PTPRN2: variants seen among roughly 807,000 people sequenced by gnomAD.
The protein encoded by PTPRN2 is protein tyrosine phosphatase receptor type N2, also known as receptor-type tyrosine-protein phosphatase N2.
Under a neutral mutation model 118.8 loss-of-function variants are expected in PTPRN2, and 74 were observed. The ratio of observed to expected loss-of-function variants is 0.62; its 90% CI spans 0.52 to 0.76. The LOEUF is 0.76. Among genes scored for constraint, PTPRN2 ranks in the 30% least tolerant of loss-of-function variants. The pLI is 0.00. For missense variants in PTPRN2, 1,481 were observed against 1,394.4 expected (o/e 1.06, Z -0.99); for synonymous variants, 641 against 608.0 (o/e 1.05, Z -0.80).
chr7:157,544,924 G>A (rs1474374262), intron 22 of PTPRN2, among the ~76,000 whole-genome samples: 1 of 147,716 alleles, frequency 6.8e-6, no homozygotes, highest in African/African-American at 2.5e-5. Context: ...CAGTGCAGGT[G>A]TGCATGGGTG....
rs556425392 is a variant in PTPRN2, at chr7:158,327,251, A to C, written c.164-10319T>G. ...CATTCTCATATCCACATACATGCAC[A>C]CATTCTCACATGCACACACGTGCTC... On this transcript the variant is annotated intron_variant, in intron 2 of 22. Coordinates refer to ENST00000389418, the MANE Select transcript of PTPRN2 (RefSeq NM_002847.5). 2.1e-3 allele frequency among the ~76,000 whole-genome samples: 319 copies of C among 151,996 alleles called. 5 individuals are homozygous for C. Among genetic ancestry groups the C allele is most frequent in the African/African-American group, 7.5e-3 (309 of 41,398 alleles).
chr7:158,459,268 T>C (rs112033091), intron 2 of PTPRN2, among the ~76,000 whole-genome samples: 72 of 98,436 alleles, frequency 7.3e-4, no homozygotes, highest in Admixed American at 1.4e-3. Flanking sequence ...CTGGGATGAA[T>C]GGGCTCCAGA....
At chr7:158,583,040 A>G (rs1443418332) in intron 1 of PTPRN2, among the ~76,000 whole-genome samples, 1 of 152,164 alleles carries the variant, frequency 6.6e-6, no homozygotes, top group Admixed American at 6.5e-5. Context: ...ACCATGTCTG[A>G]TGACAGCTTA....
At chr7:158,484,661 T>C (rs1820875509) in intron 2 of PTPRN2, among the ~76,000 whole-genome samples, 1 of 152,228 alleles carries the variant, frequency 6.6e-6, no homozygotes, top group African/African-American at 2.4e-5. Flanking sequence ...CGCCCTGGCC[T>C]CCTGGACATT....
rs1053143952 is a variant in PTPRN2 at position 157,780,732 on chromosome 7, C to T, written c.1789-97795G>A. On this transcript the variant is annotated intron_variant, in intron 12 of 22. Transcript: ENST00000389418. The surrounding 1 kb of genome is among the most constrained non-coding windows in gnomAD (Gnocchi z 4.5). The stretch of plus-strand genomic sequence containing the variant: ...ATGCATGATGGGGCCACACCCAGCA[C>T]GGAGAGAGCACTTGACACTGTTGCT... Among the ~76,000 whole-genome samples the T allele has an allele frequency of 2.6e-5, 4 of 152,194 alleles. No homozygotes were observed. Among genetic ancestry groups the T allele is most frequent in the Admixed American group, 6.5e-5 (1 of 15,288 alleles).
At chr7:158,001,703 G>A (rs973176244) in intron 11 of PTPRN2, among the ~76,000 whole-genome samples, 3 of 152,200 alleles carry the variant, frequency 2.0e-5, no homozygotes, top group African/African-American at 7.2e-5. Flanking sequence ...TCCGTGCTGA[G>A]AGCCCGGCAC....
intron 12 of PTPRN2, among the ~76,000 whole-genome samples, chr7:157,693,594 A>C (rs2150841602): frequency 6.6e-6 from 1 of 151,976 alleles, no homozygotes; most frequent in East Asian, 1.9e-4. Context: ...CGGCGCCCCC[A>C]CCATGGCCCT....
At chr7:158,143,401 C>T (rs1190350547) in intron 6 of PTPRN2, among the ~76,000 whole-genome samples, 3 of 152,218 alleles carry the variant, frequency 2.0e-5, no homozygotes, top group Non-Finnish European at 2.9e-5. Context: ...TTGGGCATGG[C>T]TGTCCCCAGC....
chr7:157,875,939 G>A (rs1795737598), intron 12 of PTPRN2, among the ~76,000 whole-genome samples: 1 of 151,514 alleles, frequency 6.6e-6, no homozygotes, highest in African/African-American at 2.4e-5. Context: ...AGAGGGTCAG[G>A]AGGGGCCGAG....
At position 157,932,448 on chromosome 7, in the gene PTPRN2, T is replaced by G. The variant is rs367548314; in HGVS notation, c.1724-33711A>C. 1.7e-3 allele frequency among the ~76,000 whole-genome samples: 264 copies of G among 152,156 alleles called. 4 individuals are homozygous for G. Among genetic ancestry groups the G allele is most frequent in the African/African-American group, 6.0e-3 (248 of 41,516 alleles). ...AACTTTAGAATGGGGTGAGTCACTTTGATTGACAGTTTCAGATTAGAGGTG... is the reference window on the plus strand; with the variant it reads ...AACTTTAGAATGGGGTGAGTCACTTGGATTGACAGTTTCAGATTAGAGGTG... On this transcript the variant is annotated intron_variant, in intron 11 of 22. Transcript: ENST00000389418.
At chr7:158,030,885 C>A (rs1286649134) in intron 11 of PTPRN2, 1 of 152,316 alleles carries the variant, frequency 6.6e-6, no homozygotes, top group East Asian at 1.9e-4. Flanking sequence ...ACCCTCTGGC[C>A]CCACACAGCC....
intron 10 of PTPRN2, 50 bp from the exon 11 acceptor site, chr7:158,081,427 C>T: frequency 6.5e-7 from 1 of 1,549,046 alleles, no homozygotes; most frequent in South Asian, 1.1e-5. Flanking sequence ...ACGCGCCACA[C>T]CGCTTTTCTG....
chr7:158,368,466 G>A (rs1809698140), intron 2 of PTPRN2, among the ~76,000 whole-genome samples: 1 of 152,238 alleles, frequency 6.6e-6, no homozygotes, highest in Non-Finnish European at 1.5e-5. Context: ...GGTAGATGAA[G>A]TAGGGTTTCC....
At chr7:157,880,341 C>T (rs781340954) in intron 12 of PTPRN2, among the ~76,000 whole-genome samples, 36 of 152,186 alleles carry the variant, frequency 2.4e-4, no homozygotes, top group Non-Finnish European at 4.1e-4. Flanking sequence ...GAAAAGGCTT[C>T]TATCAGGAAA....
intron 11 of PTPRN2, among the ~76,000 whole-genome samples, chr7:157,982,415 A>T (rs112459969): frequency 9.8e-6 from 1 of 101,562 alleles, no homozygotes; most frequent in South Asian, 4.0e-4. Context: ...CCTAAACCCC[A>T]AGTCAAAGAG....
In PTPRN2 at chr7:157,944,989, A is replaced by C. The variant is rs1800377688; in HGVS notation, c.1724-46252T>G. On this transcript the variant is annotated intron_variant, in intron 11 of 22. Coordinates refer to ENST00000389418, the MANE Select transcript of PTPRN2 (RefSeq NM_002847.5). This position sits in a 1 kb window ranked among gnomAD's most constrained non-coding sequence, Gnocchi z 4.3. ...GTGCAGCTCCCAGTGCTGTGACCCC[A>C]CCATGATCGCTCATCTGCTCCAGCT... is the stretch of plus-strand genomic sequence containing the variant. 6.6e-6 allele frequency among the ~76,000 whole-genome samples: 1 copy of C among 152,162 alleles called. No homozygotes were observed. The highest frequency in any genetic ancestry group is 2.1e-4 in the South Asian group (1 of 4,820).
intron 12 of PTPRN2, among the ~76,000 whole-genome samples, chr7:157,789,547 A>G (rs534413212): frequency 1.4e-4 from 22 of 152,354 alleles, no homozygotes; most frequent in Middle Eastern, 3.4e-3. Context: ...GTGTTACCTG[A>G]CAACAAGGGA....
intron 10 of PTPRN2, among the ~76,000 whole-genome samples, chr7:158,109,770 G>A (rs539117502): frequency 1.2e-4 from 19 of 152,006 alleles, no homozygotes; most frequent in East Asian, 3.9e-4. Flanking sequence ...TGTGTGAAGC[G>A]TCAGTGAGTG....
chr7:158,390,457 G>C (rs1330994421), intron 2 of PTPRN2, among the ~76,000 whole-genome samples: 8 of 152,244 alleles, frequency 5.3e-5, no homozygotes, highest in Admixed American at 5.2e-4. Context: ...CGGAGTCTCT[G>C]AGCTGGAGGC....
Sources: allele counts gnomAD v4.1 joint callset (sites outside exome capture counted in the v4.1 genomes callset), GRCh38; gene constraint gnomAD v4.1.1; non-coding constraint Gnocchi (gnomAD v3.1); transcripts MANE v1.5; gene names NCBI Gene and HGNC (gene_info 2026-07-23, HGNC 2026-07-21).